Variants in ALK observed in about 807,000 individuals in gnomAD.
ALK encodes the protein ALK receptor tyrosine kinase.
Under a neutral mutation model 163.1 loss-of-function variants are expected in ALK, and 74 were observed. The ratio of observed to expected loss-of-function variants is 0.45; its 90% CI spans 0.38 to 0.55. The LOEUF is 0.55. ALK is among the 20% of genes least tolerant of loss of function. The probability of loss-of-function intolerance (pLI) is 0.00; values close to 1 mark genes in which losing one functional copy is unlikely to be tolerated. For synonymous variants in ALK, 960 were observed against 843.2 expected, an observed-to-expected ratio of 1.14 and a Z score of -2.40; for missense variants, 2,063 against 2,105.3, an observed-to-expected ratio of 0.98 and a Z score of 0.39.
At chr2:29,212,695 A>G (rs189368350) in intron 24 of ALK, among the ~76,000 whole-genome samples, 3 of 151,942 alleles carry the variant, frequency 2.0e-5, no homozygotes, top group Admixed American at 1.3e-4. Context: ...ATGATTTTCT[A>G]TTTCTTTGTT....
At chr2:29,630,643 A>AC (rs2148236684) in intron 3 of ALK, among the ~76,000 whole-genome samples, 1 of 152,210 alleles carries the variant, frequency 6.6e-6, no homozygotes, top group South Asian at 2.1e-4. Flanking sequence ...TGTTATATAA[A>AC]CCACCAGGTA....
intron 3 of ALK, among the ~76,000 whole-genome samples, chr2:29,561,737 T>C (rs1311760068): frequency 6.6e-6 from 1 of 152,176 alleles, no homozygotes; most frequent in African/African-American, 2.4e-5. Context: ...ATACGATATG[T>C]TTAGAGGAGC....
chr2:29,788,667 A>C (rs1480498806), intron 1 of ALK, among the ~76,000 whole-genome samples: 1 of 152,218 alleles, frequency 6.6e-6, no homozygotes, highest in East Asian at 1.9e-4. Context: ...ACTGACTGTC[A>C]TAATAGAACA....
intron 1 of ALK, among the ~76,000 whole-genome samples, chr2:29,826,637 G>T (rs755150609): frequency 6.6e-5 from 10 of 152,190 alleles, no homozygotes; most frequent in South Asian, 6.2e-4. Flanking sequence ...GGAATGAGGA[G>T]AATAATGTTC....
intron 5 of ALK, among the ~76,000 whole-genome samples, chr2:29,356,216 C>G (rs1668242318): frequency 6.6e-6 from 1 of 152,120 alleles, no homozygotes; most frequent in African/African-American, 2.4e-5. Flanking sequence ...TATATATGTG[C>G]CAGGTTGTAT....
At chr2:29,616,932 C>G (rs1350314872) in intron 3 of ALK, among the ~76,000 whole-genome samples, 1 of 152,158 alleles carries the variant, frequency 6.6e-6, no homozygotes, top group African/African-American at 2.4e-5. Flanking sequence ...ATGTGTTGGT[C>G]CATTGTGCAT....
chr2:29,678,270 T>C (rs1677946415), intron 3 of ALK, among the ~76,000 whole-genome samples: 1 of 151,888 alleles, frequency 6.6e-6, no homozygotes, highest in Admixed American at 6.6e-5. Flanking sequence ...GTTCAATGAT[T>C]CTTACTACTG....
chr2:29,763,086 CA>C (rs1034835014), intron 1 of ALK, among the ~76,000 whole-genome samples: 3,056 of 53,126 alleles, frequency 0.058, 25 homozygotes, highest in African/African-American at 0.11. Flanking sequence ...GACTCCATCT[CA>C]AAAAAAAAAA....
intron 5 of ALK, among the ~76,000 whole-genome samples, chr2:29,357,169 G>A (rs1668270334): frequency 6.6e-6 from 1 of 152,208 alleles, no homozygotes; most frequent in Non-Finnish European, 1.5e-5. Flanking sequence ...GGGTTATAGT[G>A]AGGAATACGA....
chr2:29,505,556 T>C (rs1232015203), intron 4 of ALK, among the ~76,000 whole-genome samples: 2 of 152,074 alleles, frequency 1.3e-5, no homozygotes, highest in Non-Finnish European at 2.9e-5. Flanking sequence ...CAGGCACTCC[T>C]GAGATGACTG....
intron 3 of ALK, among the ~76,000 whole-genome samples, chr2:29,610,179 T>A (rs551382257): frequency 2.0e-5 from 3 of 152,266 alleles, no homozygotes; most frequent in Admixed American, 6.5e-5. Context: ...TGTTTGTAAA[T>A]CTTTGTTATT....
At chr2:29,733,767 T>A (rs1224054968) in intron 1 of ALK, among the ~76,000 whole-genome samples, 1 of 152,106 alleles carries the variant, frequency 6.6e-6, no homozygotes, top group Non-Finnish European at 1.5e-5. Flanking sequence ...AACATACACT[T>A]TGTAGACAGG....
intron 1 of ALK, among the ~76,000 whole-genome samples, chr2:29,771,720 G>C (rs936764905): frequency 3.9e-5 from 6 of 152,062 alleles, no homozygotes; most frequent in Admixed American, 2.6e-4. Flanking sequence ...ATTTTTAGTA[G>C]AGACGGGGTT....
At chr2:29,832,569 G>A (rs1343102285) in intron 1 of ALK, among the ~76,000 whole-genome samples, 1 of 152,160 alleles carries the variant, frequency 6.6e-6, no homozygotes, top group African/African-American at 2.4e-5. Flanking sequence ...TATGTATGTG[G>A]GTATTTTGCC....
At chr2:29,334,191 A>T (rs1667540798) in intron 5 of ALK, among the ~76,000 whole-genome samples, 1 of 152,062 alleles carries the variant, frequency 6.6e-6, no homozygotes, top group South Asian at 2.1e-4. Context: ...TCTTACAATT[A>T]ATGTGGTAGA....
intron 1 of ALK, among the ~76,000 whole-genome samples, chr2:29,797,002 A>C (rs1558492277): frequency 1.5e-5 from 2 of 132,012 alleles, no homozygotes; most frequent in Non-Finnish European, 3.2e-5. Context: ...ACGCACACCC[A>C]CACACACACA....
intron 3 of ALK, among the ~76,000 whole-genome samples, chr2:29,627,794 C>T (rs996931070): frequency 6.6e-6 from 1 of 152,148 alleles, no homozygotes; most frequent in Admixed American, 6.5e-5. Context: ...TGTCAGGCTG[C>T]AGAAAGTAAT....
chr2:29,251,013 T>C (rs1026350865), intron 12 of ALK, 92 bp downstream of exon 12: 27 of 1,384,500 alleles, frequency 2.0e-5, no homozygotes, highest in East Asian at 5.0e-5. Flanking sequence ...TTGACATGCC[T>C]GGGCACCCCA....
intron 26 of ALK, among the ~76,000 whole-genome samples, chr2:29,205,523 C>T (rs959459763): frequency 4.6e-5 from 7 of 152,218 alleles, no homozygotes; most frequent in African/African-American, 2.4e-5. Context: ...TATCACAGGA[C>T]TGAAATCAAG....
Sources: allele counts gnomAD v4.1 joint callset (sites outside exome capture counted in the v4.1 genomes callset), GRCh38; gene constraint gnomAD v4.1.1; transcripts MANE v1.5; gene names NCBI Gene and HGNC (gene_info 2026-07-23, HGNC 2026-07-21).